The following FMN1 variants were observed in gnomAD, a reference collection of about 807,000 sequenced individuals.
The protein encoded by FMN1 is formin 1.
A neutral mutation model predicts 132.4 loss-of-function variants in FMN1; 110 were observed. That is an observed-to-expected ratio of 0.83 (90% confidence interval 0.71 to 0.97). The LOEUF is 0.97. Among genes scored for constraint, FMN1 ranks in the 50% least tolerant of loss-of-function variants. The pLI, the probability that FMN1 is intolerant of heterozygous loss-of-function variation, is 0.00. For synonymous variants in FMN1, 722 were observed against 651.7 expected, an observed-to-expected ratio of 1.11 and a Z score of -1.64; for missense variants, 1,792 against 1,705.3, an observed-to-expected ratio of 1.05 and a Z score of -0.90.
At chr15:32,878,896 G>C (rs1204638275) in intron 16 of FMN1, among the ~76,000 whole-genome samples, 1 of 152,096 alleles carries the variant, frequency 6.6e-6, no homozygotes, top group Non-Finnish European at 1.5e-5. Flanking sequence ...TAGAAATAGA[G>C]GGTGCAAACT....
chr15:33,048,644 A>AAAAAAAAAAAAACAAAAACAAAAAC, intron 6 of FMN1, among the ~76,000 whole-genome samples: 23 of 86,916 alleles, frequency 2.6e-4, no homozygotes, highest in African/African-American at 7.8e-4. Flanking sequence ...AAAAAAAAAA[A>AAAAAAAAAAAAACAAAAACAAAAAC]AAAAACCAAC....
intron 3 of FMN1, among the ~76,000 whole-genome samples, chr15:33,177,276 C>G (rs1595603906): frequency 6.6e-6 from 1 of 152,266 alleles, no homozygotes; most frequent in East Asian, 1.9e-4. Context: ...GAAAACAGGC[C>G]TACTCATTTA....
At chr15:32,956,444 G>T (rs940570964) in intron 9 of FMN1, among the ~76,000 whole-genome samples, 2 of 151,878 alleles carry the variant, frequency 1.3e-5, no homozygotes, top group African/African-American at 4.8e-5. Context: ...TTTACAAGGT[G>T]GAATTTTTGT....
At chr15:32,803,436 C>A (rs754133725) in intron 18 of FMN1, among the ~76,000 whole-genome samples, 1 of 152,146 alleles carries the variant, frequency 6.6e-6, no homozygotes, top group Non-Finnish European at 1.5e-5. Context: ...TGATTAGGTT[C>A]CACTGGGTGG....
At chr15:32,949,986 C>CATATATATATACACAT (rs1214312848) in intron 9 of FMN1, among the ~76,000 whole-genome samples, 19 of 8,260 alleles carry the variant, frequency 2.3e-3, no homozygotes, top group African/African-American at 2.8e-3. Flanking sequence ...TATACACACA[C>CATATATATATACACAT]ATATATATAC....
chr15:32,853,958 G>A lies in FMN1; in HGVS notation c.3928+3057C>T, dbSNP rs571160595. On this transcript the variant is annotated intron_variant, in intron 17 of 20. Transcript: ENST00000616417. ...GGAAAGCCTACGGAACATGCCTCTA[G>A]ACTAGCACTTTCTGATAGAAATAGA... Among the ~76,000 whole-genome samples, 12 of 152,306 alleles carry A rather than the reference G, an allele frequency of 7.9e-5. No individual in the cohort carries two copies. The South Asian group carries it at 8.3e-4, about 11-fold the overall frequency.
At chr15:33,030,190 TAAGTA>T (rs1448545798) in intron 6 of FMN1, among the ~76,000 whole-genome samples, 1 of 152,072 alleles carries the variant, frequency 6.6e-6, no homozygotes, top group Admixed American at 6.5e-5. Context: ...AAAACTGTGT[TAAGTA>T]AATATAAGAG....
intron 9 of FMN1, among the ~76,000 whole-genome samples, chr15:32,963,056 T>C (rs372097650): frequency 0.2 from 27,244 of 138,566 alleles, 4,176 homozygotes; most frequent in African/African-American, 0.47. Flanking sequence ...ATGTTTATTG[T>C]GGCATTATTC....
At chr15:33,017,688 T>G (rs908695547) in intron 6 of FMN1, among the ~76,000 whole-genome samples, 6 of 152,314 alleles carry the variant, frequency 3.9e-5, no homozygotes, top group African/African-American at 1.2e-4. Flanking sequence ...AAAATGTCAG[T>G]ATCAAAAGAT....
intron 6 of FMN1, among the ~76,000 whole-genome samples, chr15:33,010,430 A>C (rs1222135549): frequency 6.6e-6 from 1 of 152,150 alleles, no homozygotes; most frequent in Non-Finnish European, 1.5e-5. Context: ...ATACACATTA[A>C]GTTCAAGAAA....
intron 7 of FMN1, among the ~76,000 whole-genome samples, chr15:33,006,464 A>G (rs1295836932): frequency 6.6e-6 from 1 of 152,210 alleles, no homozygotes; most frequent in Non-Finnish European, 1.5e-5. Flanking sequence ...ACTAGTTTGT[A>G]GAAAACAGTG....
At chr15:32,846,662 A>G (rs1470606636) in intron 17 of FMN1, among the ~76,000 whole-genome samples, 1 of 152,222 alleles carries the variant, frequency 6.6e-6, no homozygotes, top group African/African-American at 2.4e-5. Context: ...CGATTCCTCA[A>G]GGATCTAGAA....
chr15:32,993,103 C>T (rs1483006236), intron 7 of FMN1, among the ~76,000 whole-genome samples: 1 of 152,130 alleles, frequency 6.6e-6, no homozygotes, highest in African/African-American at 2.4e-5. Flanking sequence ...TTTTCAGCTG[C>T]AGTCTCTTAA....
intron 16 of FMN1, among the ~76,000 whole-genome samples, chr15:32,860,163 GAAAAGGAAA>G (rs1461422294): frequency 7.0e-6 from 1 of 142,208 alleles, no homozygotes; most frequent in Non-Finnish European, 1.5e-5. Flanking sequence ...AGGAAGGAAG[GAAAAGGAAA>G]AAAGAAAAGG....
intron 4 of FMN1, chr15:33,151,273 C>A (rs1234552758): frequency 2.0e-6 from 3 of 1,536,080 alleles, no homozygotes; most frequent in Non-Finnish European, 1.7e-6. Context: ...CACTTCTACT[C>A]TCCTTCCCTT....
rs1426954676 is a variant in FMN1, at chr15:33,032,277, T to C, written c.2162-24202A>G. On this transcript the variant is annotated intron_variant, in intron 6 of 20. Coordinates refer to ENST00000616417, the MANE Select transcript of FMN1 (RefSeq NM_001277313.2). ...ATCATGGTTTTAATGACTCATTCGT[T>C]GAATCCCCCTCCAATAAATTCTGGA... is the stretch of plus-strand genomic sequence containing the variant. Among the ~76,000 whole-genome samples, 5 of 152,206 alleles carry C rather than the reference T, an allele frequency of 3.3e-5. No homozygotes were observed. In the East Asian group the frequency reaches 9.6e-4, roughly 29 times the overall value.
chr15:33,006,038 G>A (rs561554123), intron 7 of FMN1, among the ~76,000 whole-genome samples: 17 of 152,106 alleles, frequency 1.1e-4, no homozygotes, highest in Admixed American at 8.5e-4. Context: ...ACTACTTATC[G>A]AATAATTTTC....
chr15:33,037,857 T>C (rs1003864680), intron 6 of FMN1, among the ~76,000 whole-genome samples: 1 of 152,218 alleles, frequency 6.6e-6, no homozygotes, highest in African/African-American at 2.4e-5. Flanking sequence ...TAAGTTGACA[T>C]CCAAAACTTT....
chr15:33,067,556 T>C, intron 5 of FMN1: 2 of 1,613,992 alleles, frequency 1.2e-6, no homozygotes, highest in Non-Finnish European at 8.5e-7. Context: ...CCCTGCTTCT[T>C]TTCTCTGACT....
Sources: allele counts gnomAD v4.1 joint callset (sites outside exome capture counted in the v4.1 genomes callset), GRCh38; gene constraint gnomAD v4.1.1; transcripts MANE v1.5; gene names NCBI Gene and HGNC (gene_info 2026-07-23, HGNC 2026-07-21).